Variants in CDK19 observed in about 807,000 individuals in gnomAD.
CDK19 encodes the protein cyclin-dependent kinase 19.
CDK19 carries 20 observed loss-of-function variants against 68.3 expected under a neutral mutation model. The observed-to-expected ratio is 0.29, with a 90% CI of 0.21 to 0.43. CDK19 has a LOEUF of 0.43. Ranked by LOEUF, CDK19 falls within the 20% of genes least tolerant of loss-of-function variation. The pLI is 1.00. For missense variants in CDK19, 339 were observed against 623.5 expected, an observed-to-expected ratio of 0.54 and a Z score of 4.86; for synonymous variants, 221 against 222.8, an observed-to-expected ratio of 0.99 and a Z score of 0.07.
chr6:110,778,297 TAC>T (rs1237201147), intron 1 of CDK19, among the ~76,000 whole-genome samples: 1 of 152,216 alleles, frequency 6.6e-6, no homozygotes, highest in Non-Finnish European at 1.5e-5. Context: ...AAAATCATAC[TAC>T]ACACTTTTTT....
At chr6:110,632,291 C>A in intron 5 of CDK19, 130 bp from the exon 6 acceptor site, 1 of 647,504 alleles carries the variant, frequency 1.5e-6, no homozygotes, top group Non-Finnish European at 2.6e-6. Flanking sequence ...TAGCTGCTGA[C>A]CTTATAAAGC....
intron 5 of CDK19, among the ~76,000 whole-genome samples, chr6:110,635,729 G>A (rs765506880): frequency 1.8e-4 from 28 of 152,186 alleles, no homozygotes; most frequent in Non-Finnish European, 3.1e-4. Context: ...TAGCAGAGAC[G>A]GGGTTTCACC....
Position 110,719,972 on chromosome 6 carries a change from G to GCTC in CDK19, c.204+26153_204+26154insGAG, listed in dbSNP as rs1554211507. On this transcript the variant is annotated intron_variant, in intron 2 of 12. Transcript: ENST00000368911. ...TCTTGAACTCCTGACCTTGTGATCCGCCCCCCCCCCCCCACCCCCCCCCTG... is the reference window on the plus strand; with the variant it reads ...TCTTGAACTCCTGACCTTGTGATCCGCTCCCCCCCCCCCCCCACCCCCCCCCTG... 3.3e-4 allele frequency among the ~76,000 whole-genome samples: 15 copies of GCTC among 45,514 alleles called. 1 individual carries two copies. Among genetic ancestry groups the GCTC allele is most frequent in the Non-Finnish European group, 4.2e-4 (10 of 23,692 alleles). The allele number at this position is 45,514 out of a possible 152,430, so 29.9% of individuals were successfully genotyped here.
Position 110,694,705 on chromosome 6 carries a change from T to A in CDK19, c.205-24164A>T, listed in dbSNP as rs186285710. 5.9e-5 allele frequency among the ~76,000 whole-genome samples: 9 copies of A among 152,334 alleles called. No individual in the cohort carries two copies. The East Asian group carries it at 1.7e-3, about 29-fold the overall frequency. On this transcript the variant is annotated intron_variant, in intron 2 of 12. Coordinates refer to ENST00000368911, the MANE Select transcript of CDK19 (RefSeq NM_015076.5). The stretch of plus-strand genomic sequence containing the variant: ...CCAACAACTGCGGAGAATACGTTCT[T>A]TTCATTAGCACATGGAACATTCTCC...
intron 2 of CDK19, among the ~76,000 whole-genome samples, chr6:110,680,468 A>T (rs1771907806): frequency 6.6e-6 from 1 of 152,240 alleles, no homozygotes. Context: ...CTAGATAAAC[A>T]TCACACAAGA....
At chr6:110,814,664 GC>G (rs1562310802) in intron 1 of CDK19, 5 of 511,734 alleles carry the variant, frequency 9.8e-6, no homozygotes, top group Non-Finnish European at 1.9e-5. Flanking sequence ...AGCTCTGCCT[GC>G]CCGCTGCGTT....
At chr6:110,640,862 T>G (rs1017777902) in intron 4 of CDK19, among the ~76,000 whole-genome samples, 1 of 151,698 alleles carries the variant, frequency 6.6e-6, no homozygotes, top group African/African-American at 2.4e-5. Context: ...GAGGCTGAGG[T>G]GAGAGGACTG....
intron 1 of CDK19, among the ~76,000 whole-genome samples, chr6:110,801,151 A>G (rs1437614399): frequency 6.6e-6 from 1 of 152,144 alleles, no homozygotes; most frequent in African/African-American, 2.4e-5. Context: ...CTATACACCA[A>G]TAACATTCAA....
rs527367126 is a variant in CDK19 at position 110,715,546 on chromosome 6, C to T, written c.204+30580G>A. On this transcript the variant is annotated intron_variant, in intron 2 of 12. Coordinates refer to ENST00000368911, the MANE Select transcript of CDK19 (RefSeq NM_015076.5). ...CTCTGTTGCCCAGGCTGTAGTGCTGCGGGGCATCTTGGCCCACTGCAACCT... is the reference window on the plus strand; with the variant it reads ...CTCTGTTGCCCAGGCTGTAGTGCTGTGGGGCATCTTGGCCCACTGCAACCT... Among the ~76,000 whole-genome samples the T allele has an allele frequency of 5.9e-5, 9 of 152,120 alleles. No homozygotes were observed. In the South Asian group the frequency reaches 1.2e-3, roughly 21 times the overall value.
At chr6:110,803,436 C>A (rs955740405) in intron 1 of CDK19, among the ~76,000 whole-genome samples, 1 of 152,120 alleles carries the variant, frequency 6.6e-6, no homozygotes, top group Non-Finnish European at 1.5e-5. Flanking sequence ...CCATGTGTAA[C>A]CATTGTTTCA....
At position 110,724,775 on chromosome 6, in the gene CDK19, G is replaced by A. The variant is rs541276500; in HGVS notation, c.204+21351C>T. On this transcript the variant is annotated intron_variant, in intron 2 of 12. Coordinates refer to ENST00000368911, the MANE Select transcript of CDK19 (RefSeq NM_015076.5). ...CTAAATTTATTAGATAGCTAGATAA[G>A]ATCTTTTTTTTTTATTGTTTCTGTG... 6.6e-5 allele frequency among the ~76,000 whole-genome samples: 10 copies of A among 152,200 alleles called. 1 individual carries two copies. In the South Asian group the frequency reaches 2.1e-3, roughly 32 times the overall value.
At chr6:110,799,012 T>C (rs926678703) in intron 1 of CDK19, among the ~76,000 whole-genome samples, 1 of 151,288 alleles carries the variant, frequency 6.6e-6, no homozygotes, top group Non-Finnish European at 1.5e-5. Flanking sequence ...GGCGTGGTAG[T>C]GGGTGCCTTT....
intron 2 of CDK19, among the ~76,000 whole-genome samples, chr6:110,682,001 T>C (rs927405031): frequency 2.6e-5 from 4 of 152,250 alleles, no homozygotes; most frequent in African/African-American, 9.6e-5. Flanking sequence ...TTAGAGAGTC[T>C]GTACTAGACT....
At chr6:110,719,972 G>GCTCCCCC (rs1554211507) in intron 2 of CDK19, among the ~76,000 whole-genome samples, 6 of 45,520 alleles carry the variant, frequency 1.3e-4, no homozygotes, top group African/African-American at 3.3e-4. Context: ...CTTGTGATCC[G>GCTCCCCC]CCCCCCCCCC....
At chr6:110,677,346 G>A (rs546444839) in intron 2 of CDK19, among the ~76,000 whole-genome samples, 29 of 151,390 alleles carry the variant, frequency 1.9e-4, no homozygotes, top group Non-Finnish European at 3.2e-4. Context: ...GGTGGATCAC[G>A]AGGTCAGGAG....
chr6:110,730,904 T>C (rs1174770945), intron 2 of CDK19, among the ~76,000 whole-genome samples: 1 of 151,914 alleles, frequency 6.6e-6, no homozygotes, highest in Admixed American at 6.6e-5. Flanking sequence ...ATACAGAAAT[T>C]GGCCGGGCAT....
At chr6:110,765,686 A>T (rs1779536815) in intron 1 of CDK19, among the ~76,000 whole-genome samples, 1 of 151,836 alleles carries the variant, frequency 6.6e-6, no homozygotes, top group Non-Finnish European at 1.5e-5. Flanking sequence ...TCTCAAAAAA[A>T]AAAAAAAGAC....
intron 1 of CDK19, among the ~76,000 whole-genome samples, chr6:110,775,044 G>A (rs1370215117): frequency 1.3e-5 from 2 of 151,924 alleles, no homozygotes; most frequent in Non-Finnish European, 2.9e-5. Context: ...TCAAGAGATC[G>A]AGACCATCCT....
chr6:110,771,566 T>C (rs1474357061), intron 1 of CDK19, among the ~76,000 whole-genome samples: 2 of 152,208 alleles, frequency 1.3e-5, no homozygotes, highest in African/African-American at 4.8e-5. Flanking sequence ...TGACATGCTC[T>C]GGAGACACTT....
Sources: gnomAD v4.1 joint callset for allele counts (sites outside exome capture counted in the v4.1 genomes callset) on GRCh38, gnomAD v4.1.1 for gene constraint, MANE v1.5 for transcripts, NCBI Gene and HGNC (gene_info 2026-07-23, HGNC 2026-07-21) for gene names.